Variants in SDK2 observed in about 807,000 individuals in gnomAD.
SDK2 encodes sidekick cell adhesion molecule 2.
In SDK2, 105 loss-of-function variants were observed where a neutral mutation model predicts 253.9. The observed-to-expected ratio is 0.41, with a 90% confidence interval of 0.35 to 0.49. SDK2 has a LOEUF of 0.49. SDK2 is among the 20% of genes least tolerant of loss of function. The pLI is 0.06. For synonymous variants in SDK2, 1,249 were observed against 1,234.9 expected (o/e 1.01, Z -0.24); for missense variants, 2,608 against 3,003.0 (o/e 0.87, Z 3.07).
At chr17:73,495,087 C>T (rs953896173) in intron 2 of SDK2, among the ~76,000 whole-genome samples, 3 of 152,220 alleles carry the variant, frequency 2.0e-5, no homozygotes, top group Non-Finnish European at 4.4e-5. Context: ...CAGCAGGAAG[C>T]GCCTTCTAGT....
rs2046061569 is a variant in SDK2 at position 73,616,636 on chromosome 17, A to G, written c.64+27389T>C. 6.6e-6 allele frequency among the ~76,000 whole-genome samples: 1 copy of G among 152,136 alleles called. No homozygotes were observed. The highest frequency in any genetic ancestry group is 1.5e-5 in the Non-Finnish European group (1 of 68,022). On this transcript the variant is annotated intron_variant, in intron 1 of 44. Transcript: ENST00000392650. This position sits in a 1 kb window ranked among gnomAD's most constrained non-coding sequence, Gnocchi z 5.2. ...AAATGAACGTTCCATGATGCTATAA[A>G]CGAAGGAAGATAAGAAACTAACTAG...
chr17:73,462,447 T>C (rs574156745), intron 3 of SDK2, among the ~76,000 whole-genome samples: 2,067 of 152,180 alleles, frequency 0.014, 51 homozygotes, highest in African/African-American at 0.047. Context: ...GGTATATATA[T>C]ATACACACAC....
chr17:73,379,622 G>T lies in SDK2; in HGVS notation c.4763-73C>A. 1.1e-6 allele frequency: 1 copy of T among 910,826 alleles called. No homozygotes were observed. Among genetic ancestry groups the T allele is most frequent in the Middle Eastern group, 2.2e-4 (1 of 4,510 alleles). The allele number at this position is 910,826 out of a possible 1,614,324, so 56.4% of individuals were successfully genotyped here. The stretch of plus-strand genomic sequence containing the variant: ...TGCTGGGAAGGTGTCCCCAGGGAGG[G>T]TGGAGGCTGCAGGGGGAGGAATGAG... On this transcript the variant is annotated intron_variant, in intron 34 of 44. Transcript: ENST00000392650. This position sits in a 1 kb window ranked among gnomAD's most constrained non-coding sequence, Gnocchi z 4.5.
chr17:73,370,497 C>G (rs980462451), intron 36 of SDK2, among the ~76,000 whole-genome samples: 1 of 152,048 alleles, frequency 6.6e-6, no homozygotes, highest in Non-Finnish European at 1.5e-5. Context: ...ACCACCTTGG[C>G]TTCCCAAAGT....
intron 5 of SDK2, among the ~76,000 whole-genome samples, chr17:73,446,858 G>A (rs915102793): frequency 6.6e-6 from 1 of 152,128 alleles, no homozygotes; most frequent in African/African-American, 2.4e-5. Flanking sequence ...CTCCTTCTCT[G>A]TCTTGGGAAT....
intron 1 of SDK2, among the ~76,000 whole-genome samples, chr17:73,529,728 C>T (rs189317078): frequency 6.6e-6 from 1 of 152,248 alleles, no homozygotes; most frequent in East Asian, 1.9e-4. Flanking sequence ...AGTCAAAGAG[C>T]ACCAAGGGTT....
intron 1 of SDK2, among the ~76,000 whole-genome samples, chr17:73,592,997 G>A (rs1292511758): frequency 7.3e-6 from 1 of 137,910 alleles, no homozygotes; most frequent in Non-Finnish European, 1.5e-5. Context: ...GGTGTGGGAC[G>A]TACACTTGGA....
rs191020499 is a variant in SDK2 at position 73,634,372 on chromosome 17, C to T, written c.64+9653G>A. 1.4e-4 allele frequency among the ~76,000 whole-genome samples: 22 copies of T among 152,334 alleles called. No individual in the cohort carries two copies. In the South Asian group the frequency reaches 4.3e-3, roughly 30 times the overall value. On this transcript the variant is annotated intron_variant, in intron 1 of 44. Coordinates refer to ENST00000392650, the MANE Select transcript of SDK2 (RefSeq NM_001144952.2). ...CAAGTCAAGCGACCTTGGCAAGTTA[C>T]TTAATATTTCTGAACTTCCATACTA... is the stretch of plus-strand genomic sequence containing the variant.
intron 36 of SDK2, among the ~76,000 whole-genome samples, chr17:73,376,162 T>A (rs1321293665): frequency 1.3e-5 from 2 of 151,218 alleles, no homozygotes; most frequent in Admixed American, 1.3e-4. Context: ...CCACTGCACT[T>A]CAGCCTGGCG....
intron 16 of SDK2, among the ~76,000 whole-genome samples, chr17:73,417,860 G>A (rs2063195618): frequency 6.6e-6 from 1 of 152,112 alleles, no homozygotes; most frequent in South Asian, 2.1e-4. Context: ...CAGACACAAA[G>A]GATGGGTCAT....
In SDK2 at chr17:73,455,866, C is replaced by A. The variant is rs924351339; in HGVS notation, c.479+40G>T. 1 of 1,507,646 alleles carries A rather than the reference C, an allele frequency of 6.6e-7. No individual in the cohort carries two copies. Among genetic ancestry groups the A allele is most frequent in the Admixed American group, 2.1e-5 (1 of 48,556 alleles). The allele number at this position is 1,507,646 out of a possible 1,614,324, so 93.4% of individuals were successfully genotyped here. A position where few individuals can be genotyped will look rare whatever the true frequency, so the allele number is the denominator to read the frequency against. On this transcript the variant is annotated intron_variant, in intron 4 of 44. Transcript: ENST00000392650. The surrounding 1 kb of genome is among the most constrained non-coding windows in gnomAD (Gnocchi z 5.0). Reference sequence around the variant, plus strand: ...CTGGCCCCAAACCTCCTCCCCCAGACACCCCTCCCCTCCCCGTCCCCTCAG... The same window carrying A: ...CTGGCCCCAAACCTCCTCCCCCAGAAACCCCTCCCCTCCCCGTCCCCTCAG...
intron 22 of SDK2, 69 bp from the exon 23 acceptor site, chr17:73,398,498 A>G: frequency 7.5e-7 from 1 of 1,339,956 alleles, no homozygotes. Flanking sequence ...GAGCCCCAGT[A>G]CAAGCCCTGC....
At position 73,643,454 on chromosome 17, in the gene SDK2, C is replaced by A. The variant is rs929449684; in HGVS notation, c.64+571G>T. 6.6e-6 allele frequency among the ~76,000 whole-genome samples: 1 copy of A among 152,158 alleles called. No individual in the cohort carries two copies. Among genetic ancestry groups the A allele is most frequent in the Non-Finnish European group, 1.5e-5 (1 of 68,012 alleles). ...GGCTCCAGGCCCGCGCAGCGAAGCA[C>A]CCCCAGCCCCAGCGGCTGGCCGAGC... On this transcript the variant is annotated intron_variant, in intron 1 of 44. Transcript: ENST00000392650. This position sits in a 1 kb window ranked among gnomAD's most constrained non-coding sequence, Gnocchi z 6.9.
chr17:73,384,925 C>T (rs1257024191), intron 32 of SDK2, among the ~76,000 whole-genome samples: 1 of 152,250 alleles, frequency 6.6e-6, no homozygotes, highest in Non-Finnish European at 1.5e-5. Context: ...TCCCTGCCCC[C>T]TCCCTCTGCC....
intron 16 of SDK2, among the ~76,000 whole-genome samples, chr17:73,418,199 G>A (rs978486646): frequency 6.6e-6 from 1 of 151,880 alleles, no homozygotes; most frequent in Non-Finnish European, 1.5e-5. Context: ...GTGAAGATGG[G>A]GTTTCACCAT....
At chr17:73,432,562 G>A (rs753798722) in intron 10 of SDK2, among the ~76,000 whole-genome samples, 19 of 152,088 alleles carry the variant, frequency 1.2e-4, no homozygotes, top group African/African-American at 4.1e-4. Flanking sequence ...CCTGGGAGAC[G>A]GCAGTGGACA....
At chr17:73,434,812 G>A (rs888603114) in intron 9 of SDK2, among the ~76,000 whole-genome samples, 4 of 151,758 alleles carry the variant, frequency 2.6e-5, no homozygotes, top group Admixed American at 2.0e-4. Context: ...TTGTATTTTT[G>A]GTAGACGAGG....
chr17:73,412,151 TAC>T (rs376070533), intron 18 of SDK2, among the ~76,000 whole-genome samples: 61,585 of 100,046 alleles, frequency 0.62, 14,703 homozygotes, highest in Non-Finnish European at 0.66. Flanking sequence ...TATGTATATA[TAC>T]GTATATATGT....
intron 1 of SDK2, among the ~76,000 whole-genome samples, chr17:73,592,809 G>A (rs1373353495): frequency 1.3e-5 from 2 of 152,152 alleles, no homozygotes; most frequent in Non-Finnish European, 2.9e-5. Context: ...ACCACCGTGC[G>A]TGACACCAAG....
Sources: allele counts gnomAD v4.1 joint callset (sites outside exome capture counted in the v4.1 genomes callset), GRCh38; gene constraint gnomAD v4.1.1; non-coding constraint Gnocchi (gnomAD v3.1); transcripts MANE v1.5; gene names NCBI Gene and HGNC (gene_info 2026-07-23, HGNC 2026-07-21).